Variants in BRD10 observed in about 807,000 individuals in gnomAD.
The protein encoded by BRD10 is uncharacterized bromodomain-containing protein 10.
At chr9:5,940,656 G>A in the BRD10 span, among the ~76,000 whole-genome samples, 1 of 152,160 alleles carries the variant, frequency 6.6e-6, no homozygotes, top group Non-Finnish European at 1.5e-5. Flanking sequence ...TACGAGGGGT[G>A]GTCTGCTAAA....
chr9:5,930,888 G>A, the BRD10 span, among the ~76,000 whole-genome samples: 8 of 152,146 alleles, frequency 5.3e-5, no homozygotes, highest in Non-Finnish European at 8.8e-5. Context: ...TGAACAGGAA[G>A]TAACTTTCAT....
the BRD10 span, among the ~76,000 whole-genome samples, chr9:5,916,777 T>A: frequency 2.6e-5 from 4 of 152,116 alleles, no homozygotes. Flanking sequence ...TATAAAAACA[T>A]GACTCTCCAG....
the BRD10 span, among the ~76,000 whole-genome samples, chr9:5,979,340 C>G: frequency 6.6e-6 from 1 of 152,050 alleles, no homozygotes; most frequent in Non-Finnish European, 1.5e-5. Flanking sequence ...ATAGTGAGAC[C>G]TCGTCTTTAC....
At chr9:5,924,310 C>G in the BRD10 span, among the ~76,000 whole-genome samples, 5 of 150,544 alleles carry the variant, frequency 3.3e-5, no homozygotes, top group Non-Finnish European at 5.9e-5. Flanking sequence ...TTTGAGACAG[C>G]ATTTTGCTCT....
At chr9:6,000,895 T>A in the BRD10 span, among the ~76,000 whole-genome samples, 1 of 152,196 alleles carries the variant, frequency 6.6e-6, no homozygotes, top group African/African-American at 2.4e-5. Context: ...CTAGACTCTG[T>A]CCTGGGCAAT....
At chr9:5,956,896 A>C in the BRD10 span, among the ~76,000 whole-genome samples, 23 of 152,250 alleles carry the variant, frequency 1.5e-4, no homozygotes, top group East Asian at 4.2e-3. Flanking sequence ...TTTAGCACAC[A>C]TAAGTTCTAA....
chr9:5,923,156 A>G, the BRD10 span: 70 of 1,613,800 alleles, frequency 4.3e-5, no homozygotes, highest in Non-Finnish European at 5.2e-5. Flanking sequence ...CCTTGGAGAA[A>G]GCTCTTTTGT....
chr9:5,913,657 A>C, the BRD10 span, among the ~76,000 whole-genome samples: 1 of 152,230 alleles, frequency 6.6e-6, no homozygotes, highest in African/African-American at 2.4e-5. Context: ...TCTTTAGCAA[A>C]AATTACATGG....
chr9:5,919,417 C>A, the BRD10 span: 8 of 336,198 alleles, frequency 2.4e-5, no homozygotes, highest in East Asian at 4.1e-4. Flanking sequence ...GTTCTACAGA[C>A]AGGTAAATCC....
the BRD10 span, among the ~76,000 whole-genome samples, chr9:5,938,410 C>A: frequency 6.6e-6 from 1 of 152,114 alleles, no homozygotes; most frequent in South Asian, 2.1e-4. Flanking sequence ...CGTGCCATTG[C>A]ACTCCAGCCT....
chr9:5,882,030 C>G, the BRD10 span, among the ~76,000 whole-genome samples: 4 of 152,204 alleles, frequency 2.6e-5, no homozygotes, highest in African/African-American at 9.7e-5. Context: ...GAACGGGGAG[C>G]TCCCGGCAAC....
the BRD10 span, chr9:5,968,876 G>C: frequency 1.2e-6 from 2 of 1,612,900 alleles, no homozygotes; most frequent in Non-Finnish European, 1.7e-6. Context: ...TTCATGGATA[G>C]GCTGTCCAAG....
At chr9:5,941,698 G>A in the BRD10 span, among the ~76,000 whole-genome samples, 1 of 152,152 alleles carries the variant, frequency 6.6e-6, no homozygotes, top group African/African-American at 2.4e-5. Context: ...CCAGTACAAT[G>A]AGTAGTTCAA....
At chr9:5,999,368 C>T in the BRD10 span, among the ~76,000 whole-genome samples, 6 of 152,124 alleles carry the variant, frequency 3.9e-5, no homozygotes, top group African/African-American at 1.2e-4. Context: ...TTTCCTGATA[C>T]ATTTATATAT....
the BRD10 span, among the ~76,000 whole-genome samples, chr9:5,994,869 C>G: frequency 1.3e-5 from 2 of 151,812 alleles, no homozygotes; most frequent in Non-Finnish European, 2.9e-5. Flanking sequence ...CTTTCATTCT[C>G]CATAACAGCA....
the BRD10 span, among the ~76,000 whole-genome samples, chr9:5,982,707 T>C: frequency 6.6e-6 from 1 of 152,208 alleles, no homozygotes; most frequent in African/African-American, 2.4e-5. Context: ...TTACCCAGTT[T>C]CCAGTATCCT....
At chr9:5,919,861 T>C in the BRD10 span, 1 of 1,613,896 alleles carries the variant, frequency 6.2e-7, no homozygotes, top group Non-Finnish European at 8.5e-7. Context: ...TAACCAACAA[T>C]TTTTTGACAG....
At chr9:5,940,374 T>G in the BRD10 span, among the ~76,000 whole-genome samples, 26 of 152,160 alleles carry the variant, frequency 1.7e-4, no homozygotes, top group African/African-American at 6.0e-4. Flanking sequence ...TTTGTATTTT[T>G]TGTAGAGACA....
the BRD10 span, among the ~76,000 whole-genome samples, chr9:6,002,835 C>A: frequency 3.3e-5 from 5 of 151,998 alleles, no homozygotes; most frequent in African/African-American, 1.2e-4. Context: ...TGCCACTACA[C>A]CTGGCTAATT....
Sources: gnomAD v4.1 joint callset for allele counts (sites outside exome capture counted in the v4.1 genomes callset) on GRCh38, gnomAD v4.1.1 for gene constraint, MANE v1.5 for transcripts, NCBI Gene and HGNC (gene_info 2026-07-23, HGNC 2026-07-21) for gene names.